The following CCSER1 variants were observed in gnomAD, a reference collection of about 807,000 sequenced individuals.
CCSER1 encodes the protein coiled-coil serine rich protein 1.
A neutral mutation model predicts 82.0 loss-of-function variants in CCSER1; 41 were observed. The ratio of observed to expected loss-of-function variants is 0.50; its 90% confidence interval spans 0.39 to 0.65. The LOEUF (loss-of-function observed/expected upper bound fraction) is 0.65, where lower values mean the gene tolerates loss of function less well. CCSER1 is among the 30% of genes least tolerant of loss of function. The pLI is 0.00. For synonymous variants in CCSER1, 414 were observed against 383.9 expected (o/e 1.08, Z -0.92); for missense variants, 1,119 against 1,064.2 (o/e 1.05, Z -0.72).
chr4:90,737,874 T>C (rs1419728315), intron 7 of CCSER1, among the ~76,000 whole-genome samples: 1 of 152,190 alleles, frequency 6.6e-6, no homozygotes, highest in East Asian at 1.9e-4. Flanking sequence ...TCAGTTCTTC[T>C]GAGACTCTGA....
At chr4:90,764,548 T>C (rs1750915283) in intron 7 of CCSER1, among the ~76,000 whole-genome samples, 1 of 152,164 alleles carries the variant, frequency 6.6e-6, no homozygotes. Flanking sequence ...TGGATCATAA[T>C]GGCAAACCTT....
chr4:91,101,970 C>T (rs909460538), intron 10 of CCSER1, among the ~76,000 whole-genome samples: 1 of 152,108 alleles, frequency 6.6e-6, no homozygotes, highest in African/African-American at 2.4e-5. Flanking sequence ...GAGAGACTGA[C>T]AAAAATAAAT....
At chr4:90,461,347 G>A (rs531206343) in intron 4 of CCSER1, among the ~76,000 whole-genome samples, 1 of 117,212 alleles carries the variant, frequency 8.5e-6, no homozygotes, top group South Asian at 2.4e-4. Context: ...GATTACAGGC[G>A]TGAGCCACCG....
At position 90,601,148 on chromosome 4, in the gene CCSER1, T is replaced by C. The variant is rs546406956; in HGVS notation, c.1725-26877T>C. 2.6e-5 allele frequency among the ~76,000 whole-genome samples: 4 copies of C among 152,214 alleles called. No homozygotes were observed. The East Asian group carries it at 7.7e-4, about 29-fold the overall frequency. ...TCTGAACTAGATTATTTTTATGTTT[T>C]ATTCTTGCCTTATTTCATAGGCTAG... On this transcript the variant is annotated intron_variant, in intron 5 of 10. Transcript: ENST00000509176.
intron 10 of CCSER1, among the ~76,000 whole-genome samples, chr4:91,368,568 T>C (rs988637815): frequency 2.6e-5 from 4 of 152,138 alleles, no homozygotes; most frequent in African/African-American, 9.6e-5. Flanking sequence ...TTATGATAAA[T>C]ATTTTATCAT....
intron 10 of CCSER1, among the ~76,000 whole-genome samples, chr4:91,393,544 A>C (rs1454956086): frequency 6.6e-6 from 1 of 152,074 alleles, no homozygotes; most frequent in Non-Finnish European, 1.5e-5. Flanking sequence ...TTTCAAAGTA[A>C]CCTGAAGACA....
At chr4:91,474,899 T>C (rs1757501975) in intron 10 of CCSER1, among the ~76,000 whole-genome samples, 1 of 151,054 alleles carries the variant, frequency 6.6e-6, no homozygotes, top group South Asian at 2.1e-4. Flanking sequence ...AGTGTAAAAC[T>C]GCACCTTCAG....
chr4:90,827,886 A>G (rs1361035315), intron 8 of CCSER1, among the ~76,000 whole-genome samples: 1 of 151,966 alleles, frequency 6.6e-6, no homozygotes, highest in Admixed American at 6.6e-5. Flanking sequence ...ACCAAGTGAG[A>G]TTTATCATTC....
chr4:90,134,501 A>G (rs1723330556), intron 1 of CCSER1, among the ~76,000 whole-genome samples: 1 of 152,232 alleles, frequency 6.6e-6, no homozygotes, highest in Non-Finnish European at 1.5e-5. Context: ...TACTCTATTT[A>G]GTCAGAATCA....
chr4:91,438,811 G>C (rs1398411159), intron 10 of CCSER1, among the ~76,000 whole-genome samples: 1 of 152,192 alleles, frequency 6.6e-6, no homozygotes, highest in African/African-American at 2.4e-5. Context: ...TGAACACCAA[G>C]GCTCGAGAAC....
At chr4:90,527,610 C>T (rs1773956696) in intron 5 of CCSER1, among the ~76,000 whole-genome samples, 1 of 152,072 alleles carries the variant, frequency 6.6e-6, no homozygotes, top group Non-Finnish European at 1.5e-5. Context: ...AATCAAGGCT[C>T]ATTAGACTTT....
rs146343657 is a variant in CCSER1 at position 90,640,707 on chromosome 4, G to T, written c.1932+12475G>T. On this transcript the variant is annotated intron_variant, in intron 6 of 10. Transcript: ENST00000509176. ...CCATGCTGTTCTTGTGATAGTGAGT[G>T]AGTTCTCAGGAGACGTGATAGTTTA... Among the ~76,000 whole-genome samples the T allele has an allele frequency of 3.1e-3, 465 of 152,202 alleles. 2 individuals carry two copies. Among genetic ancestry groups the T allele is most frequent in the African/African-American group, 0.011 (440 of 41,536 alleles).
At chr4:91,491,370 A>G (rs1341160771) in intron 10 of CCSER1, among the ~76,000 whole-genome samples, 1 of 152,114 alleles carries the variant, frequency 6.6e-6, no homozygotes, top group African/African-American at 2.4e-5. Context: ...TCAAAATTAA[A>G]TGAGAAAATG....
At chr4:90,158,270 T>A (rs1346864670) in intron 1 of CCSER1, among the ~76,000 whole-genome samples, 1 of 152,068 alleles carries the variant, frequency 6.6e-6, no homozygotes, top group Non-Finnish European at 1.5e-5. Flanking sequence ...TCGTGTGAGG[T>A]GTCAGTCTAC....
intron 10 of CCSER1, among the ~76,000 whole-genome samples, chr4:91,416,519 T>C (rs968617138): frequency 6.6e-6 from 1 of 151,890 alleles, no homozygotes; most frequent in Non-Finnish European, 1.5e-5. Flanking sequence ...TAGGCCAATG[T>C]AACAGAATAG....
chr4:90,298,809 C>T (rs976669524), intron 1 of CCSER1, among the ~76,000 whole-genome samples: 4 of 152,050 alleles, frequency 2.6e-5, no homozygotes, highest in Admixed American at 1.3e-4. Flanking sequence ...GTATCAGAGT[C>T]TGAATTCTTA....
chr4:91,286,363 C>T (rs73835117), intron 10 of CCSER1, among the ~76,000 whole-genome samples: 3,407 of 151,798 alleles, frequency 0.022, 137 homozygotes, highest in African/African-American at 0.075. Flanking sequence ...TCAGAGAAAA[C>T]GCTTGATGAA....
intron 3 of CCSER1, among the ~76,000 whole-genome samples, chr4:90,358,707 C>A (rs1744766471): frequency 6.6e-6 from 1 of 151,914 alleles, no homozygotes; most frequent in African/African-American, 2.4e-5. Flanking sequence ...GGGGGAGAAA[C>A]AAATATTAAA....
intron 10 of CCSER1, among the ~76,000 whole-genome samples, chr4:91,165,854 G>A (rs561462766): frequency 1.1e-4 from 17 of 152,302 alleles, no homozygotes; most frequent in East Asian, 5.8e-4. Context: ...CCCTTGGCTC[G>A]GAAAGGGAAA....
Sources: gnomAD v4.1 joint callset for allele counts (sites outside exome capture counted in the v4.1 genomes callset) on GRCh38, gnomAD v4.1.1 for gene constraint, MANE v1.5 for transcripts, NCBI Gene and HGNC (gene_info 2026-07-23, HGNC 2026-07-21) for gene names.